MACROD1: variants seen among roughly 807,000 people sequenced by gnomAD.
MACROD1 encodes ADP-ribose glycohydrolase MACROD1.
Under a neutral mutation model 41.4 loss-of-function variants are expected in MACROD1, and 31 were observed. The ratio of observed to expected loss-of-function variants is 0.75; its 90% CI spans 0.56 to 1.01. The LOEUF (loss-of-function observed/expected upper bound fraction) is 1.01, where lower values mean the gene tolerates loss of function less well. Among genes scored for constraint, MACROD1 ranks in the 50% least tolerant of loss-of-function variants. MACROD1 has a pLI of 0.00. For synonymous variants in MACROD1, 252 were observed against 203.4 expected (o/e 1.24, Z -2.03); for missense variants, 473 against 460.0 (o/e 1.03, Z -0.26).
chr11:64,031,729 C>T (rs866264096), intron 3 of MACROD1, among the ~76,000 whole-genome samples: 1 of 152,174 alleles, frequency 6.6e-6, no homozygotes, highest in Non-Finnish European at 1.5e-5. Flanking sequence ...CCACCTGCCT[C>T]GGCCTCCCAA....
intron 4 of MACROD1, chr11:64,001,614 C>A (rs1001588527): frequency 5.7e-6 from 4 of 701,218 alleles, no homozygotes; most frequent in Admixed American, 2.0e-5. Flanking sequence ...TGGCACCAGG[C>A]AATTTCCCAG....
At chr11:64,014,473 C>T (rs920552777) in intron 4 of MACROD1, among the ~76,000 whole-genome samples, 2 of 152,242 alleles carry the variant, frequency 1.3e-5, no homozygotes, top group African/African-American at 4.8e-5. Flanking sequence ...TGGGCCCTGC[C>T]ACCGCTGCCG....
intron 3 of MACROD1, chr11:64,126,874 G>T (rs1945190659): frequency 6.6e-6 from 1 of 152,292 alleles, no homozygotes; most frequent in Non-Finnish European, 1.5e-5. Context: ...AGCCGCCCAG[G>T]TGCAGCACTA....
At chr11:64,105,117 G>A (rs1016617767) in intron 3 of MACROD1, among the ~76,000 whole-genome samples, 3 of 152,240 alleles carry the variant, frequency 2.0e-5, no homozygotes, top group Non-Finnish European at 4.4e-5. Flanking sequence ...ATTAGCCACC[G>A]GTGTGAAAGA....
chr11:64,154,433 C>T (rs946374270), intron 1 of MACROD1, among the ~76,000 whole-genome samples: 1 of 152,162 alleles, frequency 6.6e-6, no homozygotes, highest in Non-Finnish European at 1.5e-5. Context: ...TCATGGCTCC[C>T]TAGATCCCAC....
chr11:64,076,275 T>G (rs1019663201), intron 3 of MACROD1, among the ~76,000 whole-genome samples: 3 of 152,148 alleles, frequency 2.0e-5, no homozygotes, highest in East Asian at 3.9e-4. Flanking sequence ...CCCATGACCC[T>G]CCACTGCATG....
chr11:64,102,344 G>A (rs552522445), intron 3 of MACROD1, among the ~76,000 whole-genome samples: 1 of 150,712 alleles, frequency 6.6e-6, no homozygotes, highest in South Asian at 2.1e-4. Flanking sequence ...GAGGAGGGCG[G>A]CTGCGGGTGT....
chr11:64,151,158 G>A (rs546512785), intron 3 of MACROD1, 81 bp downstream of exon 3: 31 of 1,233,826 alleles, frequency 2.5e-5, no homozygotes, highest in Admixed American at 1.8e-4. Flanking sequence ...GCCAGGTGGC[G>A]TCCACCCAGG....
chr11:64,017,312 T>C (rs1454366198), intron 3 of MACROD1, among the ~76,000 whole-genome samples: 1 of 152,102 alleles, frequency 6.6e-6, no homozygotes, highest in African/African-American at 2.4e-5. Context: ...TTGCTGGGTG[T>C]AGACGGGGTG....
intron 3 of MACROD1, among the ~76,000 whole-genome samples, chr11:64,079,462 C>G (rs903293936): frequency 2.6e-4 from 40 of 152,186 alleles, no homozygotes; most frequent in African/African-American, 9.6e-4. Context: ...AATGAGCAGC[C>G]GGGCACGCAG....
Position 64,067,475 on chromosome 11 carries a change from G to C in MACROD1, c.518-52194C>G, listed in dbSNP as rs1179072522. 6.6e-6 allele frequency among the ~76,000 whole-genome samples: 1 copy of C among 152,136 alleles called. No individual in the cohort carries two copies. Among genetic ancestry groups the C allele is most frequent in the African/African-American group, 2.4e-5 (1 of 41,434 alleles). ...GCACAGACGCCCAGCTCAGATAACAGAAGGGAGGAGATAGGTCGGGGACGG... is the reference window on the plus strand; with the variant it reads ...GCACAGACGCCCAGCTCAGATAACACAAGGGAGGAGATAGGTCGGGGACGG... On this transcript the variant is annotated intron_variant, in intron 3 of 10. Transcript: ENST00000255681. This position sits in a 1 kb window ranked among gnomAD's most constrained non-coding sequence, Gnocchi z 4.6.
chr11:64,151,205 G>T, intron 3 of MACROD1, 34 bp downstream of exon 3: 1 of 1,567,500 alleles, frequency 6.4e-7, no homozygotes, highest in Non-Finnish European at 8.8e-7. Flanking sequence ...CAACAGGGCG[G>T]CCACCAGGTC....
At chr11:64,143,792 ACACACACAC>A (rs1565257700) in intron 3 of MACROD1, among the ~76,000 whole-genome samples, 19 of 145,316 alleles carry the variant, frequency 1.3e-4, no homozygotes, top group Non-Finnish European at 2.8e-4. Flanking sequence ...ACACACACAC[ACACACACAC>A]AATTTCCTGG....
At chr11:64,048,689 T>TA (rs5792308) in intron 3 of MACROD1, among the ~76,000 whole-genome samples, 33,000 of 152,146 alleles carry the variant, frequency 0.22, 7,050 homozygotes, top group African/African-American at 0.54. Context: ...TGCCTGCAGT[T>TA]TTTGCTCCAT....
Position 64,036,353 on chromosome 11 carries a change from C to T in MACROD1, c.518-21072G>A, listed in dbSNP as rs1024845588. 2.6e-5 allele frequency among the ~76,000 whole-genome samples: 4 copies of T among 152,126 alleles called. No homozygotes were observed. Among genetic ancestry groups the T allele is most frequent in the African/African-American group, 9.7e-5 (4 of 41,450 alleles). On this transcript the variant is annotated intron_variant, in intron 3 of 10. Transcript: ENST00000255681. This position sits in a 1 kb window ranked among gnomAD's most constrained non-coding sequence, Gnocchi z 5.6. ...GGGGTGGGGGTCCCTGAGTCAAGAGCCAAGCACCAGTAGCGGTGGCGCTGG... is the reference window on the plus strand; with the variant it reads ...GGGGTGGGGGTCCCTGAGTCAAGAGTCAAGCACCAGTAGCGGTGGCGCTGG...
At chr11:64,035,774 C>G (rs111233756) in intron 3 of MACROD1, among the ~76,000 whole-genome samples, 2 of 145,970 alleles carry the variant, frequency 1.4e-5, no homozygotes, top group African/African-American at 5.0e-5. Flanking sequence ...ACGCACGGCC[C>G]CCGCCGCCGC....
intron 3 of MACROD1, among the ~76,000 whole-genome samples, chr11:64,109,207 A>G (rs1944817386): frequency 6.6e-6 from 1 of 152,088 alleles, no homozygotes; most frequent in African/African-American, 2.4e-5. Context: ...GTGAATAGAA[A>G]ATAGCATCCC....
intron 3 of MACROD1, chr11:64,118,136 C>T: frequency 6.8e-6 from 11 of 1,613,664 alleles, no homozygotes; most frequent in Non-Finnish European, 9.3e-6. Context: ...AGATGCTGCC[C>T]ATCAACCCGT....
At chr11:64,039,200 C>T (rs891577998) in intron 3 of MACROD1, among the ~76,000 whole-genome samples, 8 of 151,696 alleles carry the variant, frequency 5.3e-5, no homozygotes, top group African/African-American at 1.5e-4. Flanking sequence ...GGATGGGGTG[C>T]GTGAGGCATG....
Sources: gnomAD v4.1 joint callset for allele counts (sites outside exome capture counted in the v4.1 genomes callset) on GRCh38, gnomAD v4.1.1 for gene constraint, Gnocchi (gnomAD v3.1) non-coding constraint, MANE v1.5 for transcripts, NCBI Gene and HGNC (gene_info 2026-07-23, HGNC 2026-07-21) for gene names.